The following CNTNAP2 variants were observed in gnomAD, a reference collection of about 807,000 sequenced individuals.
CNTNAP2 encodes the protein contactin-associated protein-like 2.
In CNTNAP2, 98 loss-of-function variants were observed where a neutral mutation model predicts 155.2. The observed-to-expected ratio is 0.63, with a 90% CI of 0.54 to 0.75. The LOEUF (loss-of-function observed/expected upper bound fraction) is 0.75, where lower values mean the gene tolerates loss of function less well. CNTNAP2 is among the 30% of genes least tolerant of loss of function. The pLI is 0.00. For synonymous variants in CNTNAP2, 651 were observed against 631.2 expected (o/e 1.03, Z -0.47); for missense variants, 1,727 against 1,688.1 (o/e 1.02, Z -0.40).
intron 18 of CNTNAP2, among the ~76,000 whole-genome samples, chr7:148,180,593 G>A (rs972192554): frequency 2.0e-5 from 3 of 151,964 alleles, no homozygotes; most frequent in Admixed American, 6.6e-5. Flanking sequence ...CAGAAGTTGC[G>A]TCTCTGGTAT....
chr7:147,866,835 T>C (rs2116695060), intron 13 of CNTNAP2, among the ~76,000 whole-genome samples: 1 of 152,266 alleles, frequency 6.6e-6, no homozygotes. Context: ...TTTGAGCCTA[T>C]GTACGTCTTT....
chr7:147,352,192 CAT>C (rs1308695905), intron 9 of CNTNAP2, among the ~76,000 whole-genome samples: 2 of 151,870 alleles, frequency 1.3e-5, no homozygotes, highest in Admixed American at 6.6e-5. Context: ...TAATTTATAA[CAT>C]AATGTTAGTT....
intron 8 of CNTNAP2, among the ~76,000 whole-genome samples, chr7:147,244,017 C>T (rs1474953200): frequency 1.3e-5 from 2 of 152,162 alleles, no homozygotes; most frequent in African/African-American, 4.8e-5. Context: ...TGACTTTTCT[C>T]ACTCGTTTCT....
chr7:148,008,965 G>A (rs760172319), intron 15 of CNTNAP2, among the ~76,000 whole-genome samples: 2 of 152,178 alleles, frequency 1.3e-5, no homozygotes, highest in Non-Finnish European at 2.9e-5. Flanking sequence ...ATAACATTAT[G>A]TGGAGTAACA....
At chr7:148,405,474 G>GTGGA (rs1434030085) in intron 22 of CNTNAP2, among the ~76,000 whole-genome samples, 1 of 134,826 alleles carries the variant, frequency 7.4e-6, no homozygotes, top group Non-Finnish European at 1.5e-5. Context: ...TGTCGCCAGG[G>GTGGA]TGGAGTGCAG....
chr7:148,141,431 T>C (rs1805070176), intron 16 of CNTNAP2, among the ~76,000 whole-genome samples: 1 of 152,256 alleles, frequency 6.6e-6, no homozygotes, highest in Admixed American at 6.5e-5. Flanking sequence ...AAGATGCTTG[T>C]GGAATACAAG....
intron 13 of CNTNAP2, among the ~76,000 whole-genome samples, chr7:147,729,290 G>C (rs1796696406): frequency 6.6e-6 from 1 of 151,796 alleles, no homozygotes; most frequent in Non-Finnish European, 1.5e-5. Flanking sequence ...CAGGTGTCCA[G>C]ACATTTATTG....
intron 1 of CNTNAP2, among the ~76,000 whole-genome samples, chr7:146,730,047 C>T (rs1801497323): frequency 6.6e-6 from 1 of 152,098 alleles, no homozygotes; most frequent in African/African-American, 2.4e-5. Flanking sequence ...AACGTCTTGC[C>T]ATTATCTACT....
intron 22 of CNTNAP2, among the ~76,000 whole-genome samples, chr7:148,405,379 GT>G (rs1275133822): frequency 2.9e-5 from 4 of 139,098 alleles, no homozygotes; most frequent in Non-Finnish European, 4.5e-5. Context: ...TTCTGCTACT[GT>G]TTTTATCCGT....
chr7:148,033,845 C>A (rs1802525746), intron 15 of CNTNAP2, among the ~76,000 whole-genome samples: 2 of 152,098 alleles, frequency 1.3e-5, no homozygotes, highest in Non-Finnish European at 2.9e-5. Flanking sequence ...ATCTCCCTAC[C>A]AGGAAACTAG....
intron 18 of CNTNAP2, among the ~76,000 whole-genome samples, chr7:148,215,834 C>T (rs1433561295): frequency 2.0e-5 from 3 of 152,178 alleles, no homozygotes; most frequent in East Asian, 1.9e-4. Context: ...CACCCCCAGG[C>T]GTCGGACTTC....
At chr7:147,592,675 C>A (rs555219415) in intron 12 of CNTNAP2, among the ~76,000 whole-genome samples, 2 of 152,056 alleles carry the variant, frequency 1.3e-5, no homozygotes, top group Non-Finnish European at 2.9e-5. Context: ...ATGATATCTG[C>A]AACAAATTAC....
At chr7:148,029,296 A>G (rs1207522372) in intron 15 of CNTNAP2, among the ~76,000 whole-genome samples, 1 of 152,230 alleles carries the variant, frequency 6.6e-6, no homozygotes, top group African/African-American at 2.4e-5. Flanking sequence ...AAAAGCAGCT[A>G]TAATAAAGAA....
intron 3 of CNTNAP2, among the ~76,000 whole-genome samples, chr7:147,011,684 C>T (rs1420900257): frequency 6.6e-6 from 1 of 152,100 alleles, no homozygotes; most frequent in Non-Finnish European, 1.5e-5. Flanking sequence ...AATTCATCTC[C>T]CCAGAGCAGG....
At chr7:148,244,227 C>T (rs944027505) in intron 20 of CNTNAP2, among the ~76,000 whole-genome samples, 2 of 152,212 alleles carry the variant, frequency 1.3e-5, no homozygotes, top group Admixed American at 1.3e-4. Context: ...TATGTCATCA[C>T]AGAGTTGGGG....
At chr7:146,732,676 T>A (rs151028796) in intron 1 of CNTNAP2, among the ~76,000 whole-genome samples, 1 of 152,122 alleles carries the variant, frequency 6.6e-6, no homozygotes, top group South Asian at 2.1e-4. Context: ...TCATTATCCG[T>A]GGGGGAATTG....
At chr7:146,724,466 A>G (rs1334512043) in intron 1 of CNTNAP2, among the ~76,000 whole-genome samples, 1 of 147,394 alleles carries the variant, frequency 6.8e-6, no homozygotes, top group Admixed American at 6.8e-5. Context: ...TTGAAAAAAG[A>G]TGGGTCTTGT....
At chr7:146,789,965 C>A (rs552204314) in intron 2 of CNTNAP2, among the ~76,000 whole-genome samples, 10 of 151,250 alleles carry the variant, frequency 6.6e-5, no homozygotes, top group Admixed American at 6.6e-4. Flanking sequence ...TAACAATATC[C>A]CATTGTATGA....
chr7:146,865,179 T>C (rs1795179883), intron 3 of CNTNAP2, among the ~76,000 whole-genome samples: 1 of 151,990 alleles, frequency 6.6e-6, no homozygotes, highest in Non-Finnish European at 1.5e-5. Context: ...TGACATTCTT[T>C]ACTGTAATTA....
Sources: gnomAD v4.1 joint callset for allele counts (sites outside exome capture counted in the v4.1 genomes callset) on GRCh38, gnomAD v4.1.1 for gene constraint, MANE v1.5 for transcripts, NCBI Gene and HGNC (gene_info 2026-07-23, HGNC 2026-07-21) for gene names.